The following MGAT5B variants were observed in gnomAD, a reference collection of about 807,000 sequenced individuals.
MGAT5B encodes the protein alpha-1,6-mannosylglycoprotein 6-beta-N-acetylglucosaminyltransferase B, also known as N-acetylglucosaminyl-transferase Vb.
In MGAT5B, 54 loss-of-function variants were observed where a neutral mutation model predicts 95.1. The ratio of observed to expected loss-of-function variants is 0.57; its 90% confidence interval spans 0.46 to 0.71. The LOEUF is 0.71. Ranked by LOEUF, MGAT5B falls within the 30% of genes least tolerant of loss-of-function variation. The pLI is 0.00. For missense variants in MGAT5B, 935 were observed against 1,088.6 expected (o/e 0.86, Z 1.99); for synonymous variants, 464 against 451.0 (o/e 1.03, Z -0.36).
intron 2 of MGAT5B, among the ~76,000 whole-genome samples, chr17:76,878,209 T>C (rs143529101): frequency 1.7e-3 from 266 of 152,218 alleles, no homozygotes; most frequent in African/African-American, 6.2e-3. Flanking sequence ...GCCTAGTCTT[T>C]GGGCATTTCC....
At chr17:76,943,612 A>C (rs1252962650) in intron 15 of MGAT5B, among the ~76,000 whole-genome samples, 1 of 84,550 alleles carries the variant, frequency 1.2e-5, no homozygotes, top group African/African-American at 5.7e-5. Flanking sequence ...TTGAATAGAG[A>C]TGGGGTGGGG....
In MGAT5B at chr17:76,869,879, G is replaced by C. The variant is rs1966935773; in HGVS notation, c.68+782G>C. 6.6e-6 allele frequency among the ~76,000 whole-genome samples: 1 copy of C among 152,076 alleles called. No individual in the cohort carries two copies. The highest frequency in any genetic ancestry group is 6.5e-5 in the Admixed American group (1 of 15,268). ...CACTGGACCCAGCCAGGGGCCCCCA[G>C]GGCCCAGCGGTGCCGGGGCAGCCCC... On this transcript the variant is annotated intron_variant, in intron 1 of 17. Transcript: ENST00000569840. This position sits in a 1 kb window ranked among gnomAD's most constrained non-coding sequence, Gnocchi z 7.0.
At chr17:76,898,548 C>A (rs1319261403) in intron 3 of MGAT5B, among the ~76,000 whole-genome samples, 1 of 152,044 alleles carries the variant, frequency 6.6e-6, no homozygotes, top group East Asian at 1.9e-4. Flanking sequence ...GGTGATCCAC[C>A]CTCCTTGGCC....
Position 76,930,295 on chromosome 17 carries a change from G to T in MGAT5B, c.1292-2350G>T, listed in dbSNP as rs1969438837. Among the ~76,000 whole-genome samples the T allele has an allele frequency of 6.6e-6, 1 of 151,876 alleles. No homozygotes were observed. Among genetic ancestry groups the T allele is most frequent in the Non-Finnish European group, 1.5e-5 (1 of 67,996 alleles). On this transcript the variant is annotated intron_variant, in intron 10 of 17. Transcript: ENST00000569840. This position sits in a 1 kb window ranked among gnomAD's most constrained non-coding sequence, Gnocchi z 4.1. The stretch of plus-strand genomic sequence containing the variant: ...TACCAGATGTTGATTATTACGTCTT[G>T]TGGGCCTTGAGGGGTGGGTGGGAAT...
chr17:76,872,513 C>A, intron 1 of MGAT5B: 1 of 663,632 alleles, frequency 1.5e-6, no homozygotes, highest in Non-Finnish European at 2.4e-6. Flanking sequence ...TCAGGTGATG[C>A]TGACTGCTCG....
rs760770618 is a variant in MGAT5B at position 76,889,941 on chromosome 17, G to A, written c.329+7643G>A. ...GTCCTGTTGGCCCTGAGGGCTTCCT[G>A]ATCATGACGAATGTCCCCAGCTTTT... On this transcript the variant is annotated intron_variant, in intron 3 of 17. Coordinates refer to ENST00000569840, the MANE Select transcript of MGAT5B (RefSeq NM_001199172.2). This position sits in a 1 kb window ranked among gnomAD's most constrained non-coding sequence, Gnocchi z 4.4. Among the ~76,000 whole-genome samples the A allele has an allele frequency of 6.6e-6, 1 of 152,364 alleles. No individual in the cohort carries two copies. The highest frequency in any genetic ancestry group is 1.9e-4 in the East Asian group (1 of 5,184).
At chr17:76,879,307 A>G (rs1354164892) in intron 2 of MGAT5B, among the ~76,000 whole-genome samples, 2 of 152,184 alleles carry the variant, frequency 1.3e-5, no homozygotes, top group Non-Finnish European at 2.9e-5. Flanking sequence ...GCGTCACCCC[A>G]AAAGCCACGC....
At chr17:76,895,104 G>A (rs943381933) in intron 3 of MGAT5B, among the ~76,000 whole-genome samples, 1 of 152,088 alleles carries the variant, frequency 6.6e-6, no homozygotes, top group Non-Finnish European at 1.5e-5. Flanking sequence ...CTTGAGCTCC[G>A]CCTCCTGTCA....
chr17:76,925,932 C>T (rs557883313), intron 9 of MGAT5B, among the ~76,000 whole-genome samples: 1 of 152,242 alleles, frequency 6.6e-6, no homozygotes, highest in East Asian at 1.9e-4. Context: ...GTTCGTCTGG[C>T]CCTGTGGTTG....
rs146879660 is a variant in MGAT5B at position 76,947,992 on chromosome 17, C to T, written c.2086C>T (p.Pro696Ser). The T allele has an allele frequency of 4.2e-5, 68 of 1,612,160 alleles. No homozygotes were observed. In the African/African-American group the frequency reaches 7.3e-4, roughly 17 times the overall value. Residue 696 changes from proline (P) to serine (S), a missense_variant, in exon 17 of 18, where the codon CCT becomes TCT. Pro to Ser is a moderately conservative substitution (Grantham distance 74). Transcript: ENST00000569840. ...AHALRAWLAVPGRACTDTCLD... is the reference protein window; with the variant it reads ...AHALRAWLAVSGRACTDTCLD... The stretch of plus-strand genomic sequence containing the variant: ...CGCCCTGCGGGCCTGGCTGGCCGTG[C>T]CTGGGAGGGCCTGCACCGACACCTG...
At chr17:76,891,255 GTGCCCAGTCAGGGGCCTCTTA>G (rs1296027222) in intron 3 of MGAT5B, among the ~76,000 whole-genome samples, 1 of 152,066 alleles carries the variant, frequency 6.6e-6, no homozygotes, top group Non-Finnish European at 1.5e-5. Context: ...GTGCACCACT[GTGCCCAGTCAGGGGCCTCTTA>G]TAAGGGCACT....
intron 16 of MGAT5B, 127 bp from the exon 17 acceptor site, chr17:76,947,701 GCT>G (rs1970075820): frequency 7.3e-7 from 1 of 1,363,662 alleles, no homozygotes; most frequent in South Asian, 2.0e-5. Flanking sequence ...TGCAGGTAAA[GCT>G]ACCTGGTATT....
chr17:76,880,144 C>A (rs1967356231), intron 2 of MGAT5B, among the ~76,000 whole-genome samples: 1 of 152,174 alleles, frequency 6.6e-6, no homozygotes, highest in African/African-American at 2.4e-5. Context: ...CCTCCGTGAG[C>A]CTTCCTGGGC....
intron 15 of MGAT5B, among the ~76,000 whole-genome samples, chr17:76,942,774 C>T (rs763830697): frequency 2.0e-5 from 3 of 152,272 alleles, no homozygotes; most frequent in Non-Finnish European, 4.4e-5. Flanking sequence ...ACAAGGCGTA[C>T]AGGTAGGCAA....
At position 76,891,755 on chromosome 17, in the gene MGAT5B, C is replaced by T. The variant is rs559701303; in HGVS notation, c.329+9457C>T. ...TCATAGCAGCAGGCAAGACAAGTGC[C>T]TTCTATTGCTTACTCCTTCACGCAG... On this transcript the variant is annotated intron_variant, in intron 3 of 17. Coordinates refer to ENST00000569840, the MANE Select transcript of MGAT5B (RefSeq NM_001199172.2). Among the ~76,000 whole-genome samples, 17 of 152,348 alleles carry T rather than the reference C, an allele frequency of 1.1e-4. No individual in the cohort carries two copies. In the South Asian group the frequency reaches 1.9e-3, roughly 17 times the overall value.
rs1967798363 is a variant in MGAT5B at position 76,889,731 on chromosome 17, G to A, written c.329+7433G>A. ...TTGGGCACCAAGCTCACTAGAGCTT[G>A]GTGAGGAGGATCCCATCCAGGTCTG... On this transcript the variant is annotated intron_variant, in intron 3 of 17. Coordinates refer to ENST00000569840, the MANE Select transcript of MGAT5B (RefSeq NM_001199172.2). This position sits in a 1 kb window ranked among gnomAD's most constrained non-coding sequence, Gnocchi z 4.4. Among the ~76,000 whole-genome samples, 1 of 152,200 alleles carries A rather than the reference G, an allele frequency of 6.6e-6. No individual in the cohort carries two copies. The highest frequency in any genetic ancestry group is 6.5e-5 in the Admixed American group (1 of 15,282).
At chr17:76,947,203 G>A (rs910666477) in intron 16 of MGAT5B, among the ~76,000 whole-genome samples, 1 of 152,228 alleles carries the variant, frequency 6.6e-6, no homozygotes, top group Non-Finnish European at 1.5e-5. Flanking sequence ...AATTTCCACA[G>A]ATAGTACGTG....
intron 5 of MGAT5B, among the ~76,000 whole-genome samples, 174 bp from the exon 6 acceptor site, chr17:76,904,078 T>C (rs978267098): frequency 6.6e-6 from 1 of 152,202 alleles, no homozygotes; most frequent in African/African-American, 2.4e-5. Context: ...TCTGGGGTCC[T>C]TCAGGCGGGT....
intron 15 of MGAT5B, among the ~76,000 whole-genome samples, chr17:76,942,315 G>T (rs1969887421): frequency 6.6e-6 from 1 of 152,162 alleles, no homozygotes; most frequent in Non-Finnish European, 1.5e-5. Flanking sequence ...ATCACTTGAG[G>T]CCAGGAGTTT....
Sources: gnomAD v4.1 joint callset for allele counts (sites outside exome capture counted in the v4.1 genomes callset) on GRCh38, gnomAD v4.1.1 for gene constraint, Gnocchi (gnomAD v3.1) non-coding constraint, MANE v1.5 for transcripts, NCBI Gene and HGNC (gene_info 2026-07-23, HGNC 2026-07-21) for gene names.